FAP: variants seen among roughly 807,000 people sequenced by gnomAD.
FAP encodes fibroblast activation protein alpha.
Under a neutral mutation model 126.5 loss-of-function variants are expected in FAP, and 110 were observed. The observed-to-expected ratio is 0.87, with a 90% CI of 0.74 to 1.02. The LOEUF is 1.02. FAP is among the 50% of genes least tolerant of loss of function. The probability of loss-of-function intolerance (pLI) is 0.00; values close to 1 mark genes in which losing one functional copy is unlikely to be tolerated. For missense variants in FAP, 919 were observed against 909.2 expected, an observed-to-expected ratio of 1.01 and a Z score of -0.14; for synonymous variants, 334 against 297.3, an observed-to-expected ratio of 1.12 and a Z score of -1.27.
intron 17 of FAP, among the ~76,000 whole-genome samples, 155 bp downstream of exon 17, chr2:162,194,546 T>C (rs1688170449): frequency 6.6e-6 from 1 of 152,172 alleles, no homozygotes; most frequent in Non-Finnish European, 1.5e-5. Flanking sequence ...ACCCAAATAA[T>C]ATCCAAATCT....
chr2:162,232,128 A>T (rs540019950), intron 2 of FAP, among the ~76,000 whole-genome samples: 5 of 152,190 alleles, frequency 3.3e-5, no homozygotes, highest in Non-Finnish European at 7.3e-5. Context: ...TAATATGATC[A>T]AATTGGAACA....
At position 162,219,075 on chromosome 2, in the gene FAP, A is replaced by G; in HGVS notation, c.595T>C (p.Trp199Arg). 1 of 1,603,438 alleles carries G rather than the reference A, an allele frequency of 6.2e-7. No homozygotes were observed. Among genetic ancestry groups the G allele is most frequent in the Non-Finnish European group, 8.5e-7 (1 of 1,174,454 alleles). ...ENKIFNGIPD[W>R]VYEEEMLATK... ...GAATACAGCTTACCTTCATAAACCCAGTCTGGGATTCCATTAAATATTTTA... is the reference window on the plus strand; with the variant it reads ...GAATACAGCTTACCTTCATAAACCCGGTCTGGGATTCCATTAAATATTTTA... The change falls in exon 8 of 26, where the codon TGG (tryptophan) becomes CGG (arginine). Residue 199 changes from tryptophan (W) to arginine (R), a missense_variant. Physicochemically the swap from Trp to Arg is moderately radical, Grantham distance 101. Transcript: ENST00000188790.
intron 2 of FAP, among the ~76,000 whole-genome samples, chr2:162,240,941 G>A (rs2106309115): frequency 6.6e-6 from 1 of 152,252 alleles, no homozygotes; most frequent in East Asian, 1.9e-4. Flanking sequence ...GAGAAGAAAG[G>A]AGGAAAATTA....
intron 2 of FAP, among the ~76,000 whole-genome samples, chr2:162,239,771 A>G (rs915296274): frequency 1.1e-4 from 16 of 152,226 alleles, no homozygotes; most frequent in Non-Finnish European, 2.4e-4. Flanking sequence ...GGGGCACTCT[A>G]TACTCAAAAG....
intron 24 of FAP, 78 bp downstream of exon 24, chr2:162,173,071 G>A: frequency 1.5e-6 from 2 of 1,346,024 alleles, no homozygotes; most frequent in Non-Finnish European, 2.1e-6. Context: ...CATAGGCATA[G>A]GAGGATGCTT....
intron 15 of FAP, 57 bp from the exon 16 acceptor site, chr2:162,198,938 T>C (rs1401301899): frequency 6.0e-6 from 9 of 1,488,734 alleles, no homozygotes; most frequent in African/African-American, 1.4e-5. Context: ...TTTATCAAAA[T>C]GTACTACTCC....
In FAP at chr2:162,197,733, C is replaced by T. The variant is rs528396205; in HGVS notation, c.1402+1024G>A. The T allele has an allele frequency of 2.7e-5, 12 of 439,834 alleles. No homozygotes were observed. The Admixed American group carries it at 3.0e-4, about 11-fold the overall frequency. 27.2% of individuals were successfully genotyped at this position (439,834 alleles called of 1,614,324 possible). A position where few individuals can be genotyped will look rare whatever the true frequency, so the allele number is the denominator to read the frequency against. On this transcript the variant is annotated intron_variant, in intron 16 of 25. Coordinates refer to ENST00000188790, the MANE Select transcript of FAP (RefSeq NM_004460.5). The stretch of plus-strand genomic sequence containing the variant: ...GTTCCCTTTATGAGATCTTCAGGGC[C>T]TCTGCAACTGAATAGGGATATCAAG...
In FAP at chr2:162,171,059, C is replaced by T. The variant is rs765484957; in HGVS notation, c.2203G>A (p.Gly735Ser). The T allele has an allele frequency of 8.7e-6, 14 of 1,612,896 alleles. No individual in the cohort carries two copies. The East Asian group carries it at 8.9e-5, about 10-fold the overall frequency. ...TGGTTCGTGGACAGGCCGGATAAGCCGTGGTTCTGGTCAGAGTACCACTGA... is the reference window on the plus strand; with the variant it reads ...TGGTTCGTGGACAGGCCGGATAAGCTGTGGTTCTGGTCAGAGTACCACTGA... The part of the protein sequence containing the change: ...QAMWYSDQNH[G>S]LSGLSTNHLY... Residue 735 changes from glycine to serine, a missense_variant, in exon 26 of 26, where the codon GGC becomes AGC. Physicochemically the swap from Gly to Ser is moderately conservative, Grantham distance 56 (BLOSUM62 0). Transcript: ENST00000188790.
At chr2:162,211,210 G>A (rs900264687) in intron 11 of FAP, among the ~76,000 whole-genome samples, 1 of 152,054 alleles carries the variant, frequency 6.6e-6, no homozygotes, top group Non-Finnish European at 1.5e-5. Flanking sequence ...TGATGCTCAG[G>A]TTTGACCAAC....
intron 2 of FAP, among the ~76,000 whole-genome samples, chr2:162,229,038 T>A (rs1279297199): frequency 6.6e-6 from 1 of 152,148 alleles, no homozygotes; most frequent in Non-Finnish European, 1.5e-5. Flanking sequence ...ATGTTTTTGA[T>A]ATTAATTCAA....
chr2:162,237,409 C>T (rs1009236442), intron 2 of FAP, among the ~76,000 whole-genome samples: 1 of 152,076 alleles, frequency 6.6e-6, no homozygotes, highest in African/African-American at 2.4e-5. Context: ...GTGATGTTCC[C>T]CTCTCTTTAT....
Position 162,212,771 on chromosome 2 carries a change from A to T in FAP, c.1002+1167T>A, listed in dbSNP as rs115828579. ...CATAATTAGAAGACTCACAAAATGT[A>T]CCCATCAAATATCCTATTTAAAGAA... On this transcript the variant is annotated intron_variant, in intron 11 of 25. Coordinates refer to ENST00000188790, the MANE Select transcript of FAP (RefSeq NM_004460.5). 5.5e-3 allele frequency among the ~76,000 whole-genome samples: 840 copies of T among 152,322 alleles called. 7 individuals carry two copies. Among genetic ancestry groups the T allele is most frequent in the African/African-American group, 0.019 (792 of 41,578 alleles).
chr2:162,188,228 G>C lies in FAP; in HGVS notation c.1755C>G (p.Leu585=). ...CACCCAGCTTTCGATACACTGCATA[G>C]AGGAGTTTGTCACCTTGGAAAGCTG... ...RGTAFQGDKL[L]YAVYRKLGVY... The change falls in exon 20 of 26, where the codon CTC becomes CTG. Residue 585 remains leucine (L), a synonymous_variant. Transcript: ENST00000188790. The C allele has an allele frequency of 6.2e-7, 1 of 1,613,298 alleles. No homozygotes were observed. Among genetic ancestry groups the C allele is most frequent in the South Asian group, 1.1e-5 (1 of 91,052 alleles).
At chr2:162,187,679 T>C (rs1249729208) in intron 20 of FAP, among the ~76,000 whole-genome samples, 6 of 152,054 alleles carry the variant, frequency 3.9e-5, no homozygotes, top group Non-Finnish European at 7.4e-5. Context: ...CAAACGAAAA[T>C]AGGCAAACAC....
At chr2:162,243,073 T>G (rs1576209405) in intron 1 of FAP, 81 bp from the exon 2 acceptor site, 2 of 1,120,028 alleles carry the variant, frequency 1.8e-6, no homozygotes, top group Non-Finnish European at 2.6e-6. Context: ...TACACCTAAA[T>G]CCTTTTTCTC....
intron 16 of FAP, chr2:162,197,745 A>G (rs1688310436): frequency 4.7e-6 from 2 of 422,784 alleles, no homozygotes; most frequent in Admixed American, 2.7e-5. Context: ...CTGCAACTGA[A>G]TAGGGATATC....
intron 22 of FAP, 94 bp from the exon 23 acceptor site, chr2:162,173,881 T>G: frequency 2.3e-6 from 2 of 876,942 alleles, no homozygotes. Flanking sequence ...GTTTCTCAAT[T>G]TTCCCATCTT....
intron 24 of FAP, 71 bp downstream of exon 24, chr2:162,173,078 G>C (rs1687372456): frequency 1.4e-6 from 2 of 1,396,670 alleles, no homozygotes; most frequent in Non-Finnish European, 2.0e-6. Flanking sequence ...ATAGGAGGAT[G>C]CTTAATGTTT....
intron 14 of FAP, among the ~76,000 whole-genome samples, chr2:162,202,017 G>A (rs1207076911): frequency 2.0e-5 from 3 of 152,138 alleles, no homozygotes; most frequent in Admixed American, 6.5e-5. Context: ...CCAAAGATTC[G>A]TAATAGATTT....
Sources: allele counts gnomAD v4.1 joint callset (sites outside exome capture counted in the v4.1 genomes callset), GRCh38; gene constraint gnomAD v4.1.1; transcripts MANE v1.5; gene names NCBI Gene and HGNC (gene_info 2026-07-23, HGNC 2026-07-21).